Variants in CR1 observed in about 807,000 individuals in gnomAD.
CR1 encodes the protein complement C3b/C4b receptor 1 (Knops blood group), also known as complement receptor type 1.
A neutral mutation model predicts 187.3 loss-of-function variants in CR1; 116 were observed. That is an observed-to-expected ratio of 0.62 (90% confidence interval 0.53 to 0.72). CR1 has a LOEUF of 0.72. CR1 is among the 30% of genes least tolerant of loss of function. The pLI is 0.00. For missense variants in CR1, 1,731 were observed against 2,110.7 expected (o/e 0.82, Z 3.52); for synonymous variants, 576 against 747.1 (o/e 0.77, Z 3.73).
intron 36 of CR1, 74 bp downstream of exon 36, chr1:207,607,410 T>G (rs1661784993): frequency 1.8e-6 from 2 of 1,109,316 alleles, no homozygotes; most frequent in African/African-American, 1.5e-5. Context: ...AAGAATAAAT[T>G]GAATCCTTCT....
At chr1:207,588,520 T>C (rs1456135714) in intron 34 of CR1, among the ~76,000 whole-genome samples, 155 bp from the exon 35 acceptor site, 2 of 152,236 alleles carry the variant, frequency 1.3e-5, no homozygotes, top group Non-Finnish European at 2.9e-5. Context: ...CGTAGCTACA[T>C]GATTCTGAAG....
At chr1:207,521,496 T>C (rs1164229421) in intron 4 of CR1, among the ~76,000 whole-genome samples, 1 of 152,020 alleles carries the variant, frequency 6.6e-6, no homozygotes, top group Non-Finnish European at 1.5e-5. Flanking sequence ...TCTTCTGTCC[T>C]AGCTTCCGGT....
intron 35 of CR1, among the ~76,000 whole-genome samples, chr1:207,593,577 A>T (rs193271499): frequency 3.3e-5 from 5 of 152,364 alleles, no homozygotes; most frequent in Admixed American, 2.6e-4. Context: ...AAACACCAAA[A>T]GCAATGGTAA....
At chr1:207,496,833 A>C (rs894594843) in intron 1 of CR1, among the ~76,000 whole-genome samples, 4 of 152,184 alleles carry the variant, frequency 2.6e-5, no homozygotes, top group Non-Finnish European at 4.4e-5. Context: ...GCTCTTCTGT[A>C]AAATGGGGAC....
chr1:207,503,976 G>A (rs757655955), intron 1 of CR1, among the ~76,000 whole-genome samples: 4 of 152,192 alleles, frequency 2.6e-5, no homozygotes, highest in East Asian at 1.9e-4. Context: ...ATCTTCTATC[G>A]ATGAAATTGT....
At chr1:207,587,311 T>C in intron 33 of CR1, 75 bp from the exon 34 acceptor site, 1 of 1,292,708 alleles carries the variant, frequency 7.7e-7, no homozygotes, top group South Asian at 1.4e-5. Flanking sequence ...ACCTATCAGC[T>C]TAATTGAAGA....
At chr1:207,580,140 T>A in intron 29 of CR1, 100 bp from the exon 30 acceptor site, 1 of 1,512,370 alleles carries the variant, frequency 6.6e-7, no homozygotes, top group Non-Finnish European at 8.9e-7. Context: ...TAGGGAGAAT[T>A]GGGTTCTATT....
chr1:207,601,269 T>C (rs960002686), intron 35 of CR1, among the ~76,000 whole-genome samples: 7 of 152,138 alleles, frequency 4.6e-5, no homozygotes, highest in Non-Finnish European at 1.0e-4. Flanking sequence ...TAATACTTGA[T>C]AAAAATATTA....
chr1:207,616,296 A>T (rs79577824), intron 40 of CR1, among the ~76,000 whole-genome samples: 5,097 of 151,986 alleles, frequency 0.034, 299 homozygotes, highest in African/African-American at 0.12. Flanking sequence ...GGGTGTTTTT[A>T]AAAAAAATAA....
At chr1:207,505,823 C>T (rs1439927506) in intron 1 of CR1, 81 bp from the exon 2 acceptor site, 2 of 1,472,468 alleles carry the variant, frequency 1.4e-6, no homozygotes, top group Non-Finnish European at 1.8e-6. Context: ...GTGATGGAGC[C>T]AGTCTCCGTC....
At chr1:207,584,546 T>C (rs1661051642) in intron 32 of CR1, 103 bp from the exon 33 acceptor site, 1 of 1,384,208 alleles carries the variant, frequency 7.2e-7, no homozygotes. Flanking sequence ...AGAAGAAAAG[T>C]ACGCTTAATT....
chr1:207,501,502 GGATTGGTAATAAAGGAGA>G (rs1659267763), intron 1 of CR1, among the ~76,000 whole-genome samples: 1 of 152,114 alleles, frequency 6.6e-6, no homozygotes, highest in African/African-American at 2.4e-5. Flanking sequence ...CACAATTGAG[GGATTGGTAATAAAGGAGA>G]GAAAGGAAAC....
Position 207,640,940 on chromosome 1 carries a change from C to G in CR1, c.*1531C>G, listed in dbSNP as rs563371107. The G allele has an allele frequency of 6.6e-6, 1 of 152,174 alleles. No individual in the cohort carries two copies. The highest frequency in any genetic ancestry group is 2.1e-4 in the South Asian group (1 of 4,830). The allele number at this position is 152,174 out of a possible 1,614,324, so 9.4% of individuals were successfully genotyped here. A position where few individuals can be genotyped will look rare whatever the true frequency, so the allele number is the denominator to read the frequency against. On this transcript the variant is annotated 3_prime_UTR_variant, in exon 47 of 47. Transcript: ENST00000367049. ...AAAAAACCAGCTTAAGAAAAATCAA[C>G]TGATAAACTGCAAGAAAAAAATGCA...
chr1:207,626,122 T>A (rs1239986911), intron 45 of CR1, among the ~76,000 whole-genome samples: 1 of 152,178 alleles, frequency 6.6e-6, no homozygotes, highest in Non-Finnish European at 1.5e-5. Flanking sequence ...CACCCAGGAA[T>A]GAGCAAAGCC....
At position 207,587,607 on chromosome 1, in the gene CR1, G is replaced by A. The variant is rs184966449; in HGVS notation, c.5710+42G>A. The A allele has an allele frequency of 5.7e-6, 9 of 1,578,474 alleles. No homozygotes were observed. The East Asian group carries it at 1.8e-4, about 32-fold the overall frequency. On this transcript the variant is annotated intron_variant, in intron 34 of 46. Transcript: ENST00000367049. ...TGGGAACTACTTCATGTCTGTTAAA[G>A]CATAGGTGGGACCGGGCTTGGTGGC...
intron 35 of CR1, among the ~76,000 whole-genome samples, chr1:207,593,019 C>A (rs528800803): frequency 6.9e-6 from 1 of 144,714 alleles, no homozygotes; most frequent in South Asian, 2.3e-4. Flanking sequence ...GCCATACTGC[C>A]CAAGGTAATT....
chr1:207,591,714 A>AG (rs1366668915), intron 35 of CR1, among the ~76,000 whole-genome samples: 1 of 93,614 alleles, frequency 1.1e-5, no homozygotes, highest in East Asian at 3.7e-4. Context: ...ACTAATAAAG[A>AG]AAAAGAGAGA....
At chr1:207,513,006 G>C (rs1659670098) in intron 4 of CR1, among the ~76,000 whole-genome samples, 1 of 152,264 alleles carries the variant, frequency 6.6e-6, no homozygotes, top group Non-Finnish European at 1.5e-5. Context: ...CCATCCGTTG[G>C]TGCTGCTCTG....
intron 23 of CR1, among the ~76,000 whole-genome samples, chr1:207,565,077 G>T (rs1217965523): frequency 6.7e-6 from 1 of 149,854 alleles, no homozygotes; most frequent in Admixed American, 6.6e-5. Context: ...TCCCAGCAAG[G>T]TCATTACCTT....
Sources: allele counts gnomAD v4.1 joint callset (sites outside exome capture counted in the v4.1 genomes callset), GRCh38; gene constraint gnomAD v4.1.1; transcripts MANE v1.5; gene names NCBI Gene and HGNC (gene_info 2026-07-23, HGNC 2026-07-21).